The following PARP8 variants were observed in gnomAD, a reference collection of about 807,000 sequenced individuals.
The protein encoded by PARP8 is poly(ADP-ribose) polymerase family member 8, also known as protein mono-ADP-ribosyltransferase PARP8.
Under a neutral mutation model 124.1 loss-of-function variants are expected in PARP8, and 51 were observed. The observed-to-expected ratio is 0.41, with a 90% CI of 0.33 to 0.52. The LOEUF is 0.52. Ranked by LOEUF, PARP8 falls within the 20% of genes least tolerant of loss-of-function variation. The pLI, the probability that PARP8 is intolerant of heterozygous loss-of-function variation, is 0.21. For missense variants in PARP8, 860 were observed against 1,018.9 expected (o/e 0.84, Z 2.12); for synonymous variants, 391 against 361.5 (o/e 1.08, Z -0.93).
intron 23 of PARP8, 82 bp downstream of exon 23, chr5:50,832,936 T>C: frequency 7.8e-7 from 1 of 1,285,996 alleles, no homozygotes; most frequent in Middle Eastern, 1.9e-4. Flanking sequence ...AATAGGCTTT[T>C]TAAGTCTGAA....
At chr5:50,754,086 C>T (rs1759554934) in intron 3 of PARP8, among the ~76,000 whole-genome samples, 2 of 123,670 alleles carry the variant, frequency 1.6e-5, no homozygotes, top group Non-Finnish European at 1.6e-5. Context: ...ATGGAGAATT[C>T]CAGTGAAGGA....
intron 2 of PARP8, among the ~76,000 whole-genome samples, chr5:50,734,775 T>G (rs1221764266): frequency 6.6e-6 from 1 of 152,110 alleles, no homozygotes; most frequent in Non-Finnish European, 1.5e-5. Flanking sequence ...GATATGTTTA[T>G]TTTTAGACAT....
intron 1 of PARP8, 89 bp from the exon 2 acceptor site, chr5:50,667,982 T>A: frequency 6.3e-7 from 1 of 1,591,628 alleles, no homozygotes; most frequent in Non-Finnish European, 8.5e-7. Context: ...AGGCCTCCCC[T>A]GACACCACCG....
chr5:50,786,843 T>TAC (rs1491087536), intron 9 of PARP8, among the ~76,000 whole-genome samples: 1 of 151,918 alleles, frequency 6.6e-6, no homozygotes, highest in Non-Finnish European at 1.5e-5. Flanking sequence ...CTCATGCCTT[T>TAC]ATATATATAT....
At position 50,773,595 on chromosome 5, in the gene PARP8, T is replaced by C. The variant is rs141825072; in HGVS notation, c.519-4474T>C. 2.3e-4 allele frequency among the ~76,000 whole-genome samples: 35 copies of C among 152,304 alleles called. No individual in the cohort carries two copies. The East Asian group carries it at 6.6e-3, about 29-fold the overall frequency. ...TATAGCTTTGTAAGGTAGTTTGATG[T>C]CTCCAGCTTTGTTCTTTTTGCTCAG... On this transcript the variant is annotated intron_variant, in intron 7 of 25. Coordinates refer to ENST00000281631, the MANE Select transcript of PARP8 (RefSeq NM_024615.4).
intron 9 of PARP8, among the ~76,000 whole-genome samples, chr5:50,782,874 A>G (rs1740825406): frequency 6.6e-6 from 1 of 152,152 alleles, no homozygotes; most frequent in Non-Finnish European, 1.5e-5. Context: ...CAGGATGGTG[A>G]GGCTCATCAG....
At chr5:50,778,687 A>T (rs1580312510) in intron 9 of PARP8, 37 bp downstream of exon 9, 4 of 1,418,738 alleles carry the variant, frequency 2.8e-6, no homozygotes, top group African/African-American at 2.9e-5. Context: ...TTTGAATATT[A>T]ATTAGCTGTG....
At chr5:50,707,739 A>G (rs538307528) in intron 2 of PARP8, among the ~76,000 whole-genome samples, 1 of 152,098 alleles carries the variant, frequency 6.6e-6, no homozygotes, top group Non-Finnish European at 1.5e-5. Context: ...GGAGTTAGGC[A>G]AAAATTTATG....
chr5:50,703,892 C>T (rs1753850168), intron 2 of PARP8, among the ~76,000 whole-genome samples: 2 of 145,304 alleles, frequency 1.4e-5, no homozygotes, highest in African/African-American at 5.1e-5. Flanking sequence ...AAATGAGACC[C>T]TTTTTTTTTT....
At chr5:50,818,195 A>T (rs1221391095) in intron 15 of PARP8, among the ~76,000 whole-genome samples, 6 of 138,222 alleles carry the variant, frequency 4.3e-5, no homozygotes, top group African/African-American at 1.6e-4. Context: ...CCCCCAAAAA[A>T]AAGAAGTCAT....
At chr5:50,761,298 C>G (rs867042004) in intron 5 of PARP8, among the ~76,000 whole-genome samples, 2 of 152,030 alleles carry the variant, frequency 1.3e-5, no homozygotes, top group Non-Finnish European at 2.9e-5. Flanking sequence ...ATTAAATACC[C>G]TTTTGAAATC....
intron 10 of PARP8, among the ~76,000 whole-genome samples, chr5:50,791,011 A>G (rs1247360104): frequency 6.6e-6 from 1 of 152,146 alleles, no homozygotes; most frequent in Non-Finnish European, 1.5e-5. Flanking sequence ...TCCTCACAAT[A>G]ATTTATAAAA....
intron 7 of PARP8, among the ~76,000 whole-genome samples, chr5:50,777,739 CAG>C (rs1447398225): frequency 6.6e-6 from 1 of 152,164 alleles, no homozygotes; most frequent in Non-Finnish European, 1.5e-5. Context: ...TCCTTATCCT[CAG>C]AGTGCTGTGA....
intron 15 of PARP8, among the ~76,000 whole-genome samples, chr5:50,817,498 G>A (rs991036384): frequency 6.6e-6 from 1 of 152,074 alleles, no homozygotes; most frequent in African/African-American, 2.4e-5. Flanking sequence ...ATTTTAAGTG[G>A]TGCTCTGGGG....
chr5:50,680,372 A>G (rs533845002), intron 2 of PARP8, among the ~76,000 whole-genome samples: 2 of 152,184 alleles, frequency 1.3e-5, no homozygotes, highest in African/African-American at 4.8e-5. Flanking sequence ...GTGAATGAGT[A>G]CGGAGGTCAT....
rs369019390 is a variant in PARP8 at position 50,815,562 on chromosome 5, T to C, written c.1668+38T>C. On this transcript the variant is annotated intron_variant, in intron 15 of 25. Transcript: ENST00000281631. ...GATACTAATTATTTCTTATTTTGCT[T>C]TGAAAAATTTGTTCCAGTCCACTAG... 3.8e-5 allele frequency: 56 copies of C among 1,476,116 alleles called. No homozygotes were observed. In the African/African-American group the frequency reaches 7.7e-4, roughly 20 times the overall value. 91.4% of individuals were successfully genotyped at this position (1,476,116 alleles called of 1,614,324 possible). A position where few individuals can be genotyped will look rare whatever the true frequency, so the allele number is the denominator to read the frequency against.
rs1214363002 is a variant in PARP8, at chr5:50,750,135, T to C, written c.147-16T>C. The C allele has an allele frequency of 6.4e-7, 1 of 1,572,268 alleles. No homozygotes were observed. Among genetic ancestry groups the C allele is most frequent in the Non-Finnish European group, 8.7e-7 (1 of 1,148,580 alleles). Reference sequence around the variant, plus strand: ...TAGCAATAACTTGAGCCTTTTTTGTTTGTTTGTTTTAACAGTGTATCCTAC... The same window carrying C: ...TAGCAATAACTTGAGCCTTTTTTGTCTGTTTGTTTTAACAGTGTATCCTAC... On this transcript the variant is annotated splice_polypyrimidine_tract_variant and intron_variant, in intron 2 of 25. Coordinates refer to ENST00000281631, the MANE Select transcript of PARP8 (RefSeq NM_024615.4).
intron 7 of PARP8, among the ~76,000 whole-genome samples, chr5:50,764,985 G>A (rs530491527): frequency 3.0e-4 from 45 of 151,736 alleles, no homozygotes; most frequent in Non-Finnish European, 4.9e-4. Flanking sequence ...TTGGTTGCTG[G>A]GCGCGGTGGC....
chr5:50,829,504 G>GTAT (rs1746713093), intron 21 of PARP8, among the ~76,000 whole-genome samples: 1 of 152,096 alleles, frequency 6.6e-6, no homozygotes, highest in Non-Finnish European at 1.5e-5. Flanking sequence ...ATGACAGATA[G>GTAT]TATTATTAAT....
Sources: gnomAD v4.1 joint callset for allele counts (sites outside exome capture counted in the v4.1 genomes callset) on GRCh38, gnomAD v4.1.1 for gene constraint, MANE v1.5 for transcripts, NCBI Gene and HGNC (gene_info 2026-07-23, HGNC 2026-07-21) for gene names.